The following EVL variants were observed in gnomAD, a reference collection of about 807,000 sequenced individuals.
The protein encoded by EVL is ena/VASP-like protein.
EVL carries 21 observed loss-of-function variants against 59.6 expected under a neutral mutation model. The observed-to-expected ratio is 0.35, with a 90% CI of 0.25 to 0.51. The LOEUF is 0.51. Ranked by LOEUF, EVL falls within the 20% of genes least tolerant of loss-of-function variation. The pLI is 0.97. For synonymous variants in EVL, 198 were observed against 203.5 expected, an observed-to-expected ratio of 0.97 and a Z score of 0.23; for missense variants, 462 against 546.6, an observed-to-expected ratio of 0.85 and a Z score of 1.54.
chr14:100,087,513 G>A (rs116377375), intron 2 of EVL, among the ~76,000 whole-genome samples: 1,856 of 152,256 alleles, frequency 0.012, 47 homozygotes, highest in African/African-American at 0.042. Flanking sequence ...TACTCAGGAG[G>A]CCAGGTGGGA....
chr14:100,126,861 G>C, intron 5 of EVL, 90 bp downstream of exon 5: 1 of 1,264,272 alleles, frequency 7.9e-7, no homozygotes, highest in Non-Finnish European at 1.1e-6. Flanking sequence ...CACACGGGGC[G>C]CTCTGTGAGC....
At chr14:100,063,570 A>G (rs1296756078), upstream of EVL, among the ~76,000 whole-genome samples, 1 of 152,256 alleles carries the variant, frequency 6.6e-6, no homozygotes, top group Non-Finnish European at 1.5e-5. Flanking sequence ...GACAGAATTA[A>G]AGAGGGAAAT....
At position 100,108,632 on chromosome 14, in the gene EVL, C is replaced by T. The variant is rs573551732; in HGVS notation, c.358+10974C>T. Among the ~76,000 whole-genome samples, 22 of 152,316 alleles carry T rather than the reference C, an allele frequency of 1.4e-4. No homozygotes were observed. Among genetic ancestry groups the T allele is most frequent in the South Asian group, 4.1e-4 (2 of 4,830 alleles). On this transcript the variant is annotated intron_variant, in intron 3 of 13. Transcript: ENST00000392920. The surrounding 1 kb of genome is among the most constrained non-coding windows in gnomAD (Gnocchi z 4.1). Reference sequence around the variant, plus strand: ...CAGCTACCCAAGTCGCACCGTCAGTCACACTCTTACTCAGGCTCTCCTGTG... The same window carrying T: ...CAGCTACCCAAGTCGCACCGTCAGTTACACTCTTACTCAGGCTCTCCTGTG...
At chr14:100,077,221 C>G (rs2062182755) in intron 1 of EVL, among the ~76,000 whole-genome samples, 1 of 152,042 alleles carries the variant, frequency 6.6e-6, no homozygotes, top group Non-Finnish European at 1.5e-5. Context: ...AAATAAATAA[C>G]AAGGGCTGGG....
chr14:99,983,742 G>C (rs1268766386), intron 1 of EVL, among the ~76,000 whole-genome samples: 3 of 152,132 alleles, frequency 2.0e-5, no homozygotes, highest in African/African-American at 7.2e-5. Context: ...CAGTCTAGCT[G>C]CTTCCTTTTC....
At chr14:99,980,297 G>A (rs2060797987) in intron 1 of EVL, among the ~76,000 whole-genome samples, 1 of 152,194 alleles carries the variant, frequency 6.6e-6, no homozygotes, top group Admixed American at 6.5e-5. Context: ...AGAGATAACA[G>A]CAACATTTTC....
At chr14:99,990,883 G>GTA (rs2060871154) in intron 1 of EVL, among the ~76,000 whole-genome samples, 1 of 151,922 alleles carries the variant, frequency 6.6e-6, no homozygotes, top group African/African-American at 2.4e-5. Context: ...AAATGGTTCT[G>GTA]GATATATATA....
At position 100,109,232 on chromosome 14, in the gene EVL, T is replaced by C. The variant is rs1886785114; in HGVS notation, c.358+11574T>C. Among the ~76,000 whole-genome samples the C allele has an allele frequency of 6.6e-6, 1 of 152,228 alleles. No homozygotes were observed. The highest frequency in any genetic ancestry group is 1.9e-4 in the East Asian group (1 of 5,188). ...ACCCATCCACCTTCTCTTGTCCTTC[T>C]TCAGTCTGTCCTCCCTGGGCTGCGT... is the stretch of plus-strand genomic sequence containing the variant. On this transcript the variant is annotated intron_variant, in intron 3 of 13. Coordinates refer to ENST00000392920, the MANE Select transcript of EVL (RefSeq NM_016337.3). This position sits in a 1 kb window ranked among gnomAD's most constrained non-coding sequence, Gnocchi z 4.3.
intron 3 of EVL, among the ~76,000 whole-genome samples, chr14:100,103,722 C>G (rs532644579): frequency 6.6e-6 from 1 of 152,250 alleles, no homozygotes; most frequent in African/African-American, 2.4e-5. Flanking sequence ...GTTTGGTCTC[C>G]CACAAGGCTG....
intron 2 of EVL, among the ~76,000 whole-genome samples, chr14:100,090,199 A>G (rs945651881): frequency 1.3e-5 from 2 of 152,246 alleles, no homozygotes; most frequent in African/African-American, 4.8e-5. Context: ...AAATTAAATT[A>G]ATAAACCTTT....
intron 1 of EVL, among the ~76,000 whole-genome samples, chr14:100,047,764 A>G (rs560188719): frequency 1.1e-4 from 17 of 152,312 alleles, no homozygotes; most frequent in African/African-American, 4.1e-4. Context: ...TGTTTTTACA[A>G]GTTACCCTAC....
At chr14:99,991,174 A>G (rs1395576565) in intron 1 of EVL, among the ~76,000 whole-genome samples, 1 of 152,154 alleles carries the variant, frequency 6.6e-6, no homozygotes, top group African/African-American at 2.4e-5. Context: ...ATCCATTTCC[A>G]CTTAGTGAAT....
intron 1 of EVL, among the ~76,000 whole-genome samples, chr14:100,015,612 C>A (rs2061044283): frequency 6.6e-6 from 1 of 152,146 alleles, no homozygotes; most frequent in African/African-American, 2.4e-5. Context: ...GCAGGGACTG[C>A]CAGAGTCATT....
intron 13 of EVL, 66 bp from the exon 14 acceptor site, chr14:100,143,635 G>C (rs142980047): frequency 1.4e-5 from 22 of 1,596,474 alleles, no homozygotes; most frequent in Non-Finnish European, 1.8e-5. Context: ...GGGGTGCGGG[G>C]CCCTGATGAG....
At chr14:99,993,348 G>A (rs886341051) in intron 1 of EVL, among the ~76,000 whole-genome samples, 5 of 152,078 alleles carry the variant, frequency 3.3e-5, no homozygotes, top group Non-Finnish European at 7.4e-5. Flanking sequence ...GTGAGCCACC[G>A]CGCCCGGTCG....
intron 1 of EVL, among the ~76,000 whole-genome samples, chr14:100,070,576 A>C (rs2062028999): frequency 6.6e-6 from 1 of 152,204 alleles, no homozygotes; most frequent in Non-Finnish European, 1.5e-5. Flanking sequence ...CTCTCCTACC[A>C]GCCTAGAGCT....
At chr14:100,030,774 G>A (rs1261759834) in intron 1 of EVL, among the ~76,000 whole-genome samples, 1 of 152,198 alleles carries the variant, frequency 6.6e-6, no homozygotes, top group South Asian at 2.1e-4. Context: ...AGTGTTTTCT[G>A]GCTAACTGTG....
chr14:100,125,680 T>A (rs1379399204), intron 4 of EVL, among the ~76,000 whole-genome samples: 1 of 151,866 alleles, frequency 6.6e-6, no homozygotes, highest in Non-Finnish European at 1.5e-5. Context: ...CTCAGCCCCT[T>A]GAGTAGCTGG....
chr14:100,011,210 GATT>G (rs1566968448), intron 1 of EVL, among the ~76,000 whole-genome samples: 1 of 152,312 alleles, frequency 6.6e-6, no homozygotes, highest in South Asian at 2.1e-4. Context: ...AAGGCAAAAA[GATT>G]ATTGTGTGCC....
Sources: gnomAD v4.1 joint callset for allele counts (sites outside exome capture counted in the v4.1 genomes callset) on GRCh38, gnomAD v4.1.1 for gene constraint, Gnocchi (gnomAD v3.1) non-coding constraint, MANE v1.5 for transcripts, NCBI Gene and HGNC (gene_info 2026-07-23, HGNC 2026-07-21) for gene names.